HECW2: variants seen among roughly 807,000 people sequenced by gnomAD.
The protein encoded by HECW2 is E3 ubiquitin-protein ligase HECW2.
A neutral mutation model predicts 175.2 loss-of-function variants in HECW2; 61 were observed. The observed-to-expected ratio is 0.35, with a 90% CI of 0.28 to 0.43. HECW2 has a LOEUF of 0.43. HECW2 is among the 20% of genes least tolerant of loss of function. The probability of loss-of-function intolerance (pLI) is 1.00; values close to 1 mark genes in which losing one functional copy is unlikely to be tolerated. For synonymous variants in HECW2, 671 were observed against 731.0 expected, an observed-to-expected ratio of 0.92 and a Z score of 1.32; for missense variants, 1,524 against 2,000.5, an observed-to-expected ratio of 0.76 and a Z score of 4.54.
At chr2:196,505,462 C>T (rs1294661930) in intron 1 of HECW2, among the ~76,000 whole-genome samples, 1 of 152,050 alleles carries the variant, frequency 6.6e-6, no homozygotes, top group Admixed American at 6.6e-5. Flanking sequence ...ATCGCTTGAA[C>T]CCAGGAGGTG....
At chr2:196,384,806 C>A (rs1047550786) in intron 2 of HECW2, among the ~76,000 whole-genome samples, 1 of 152,184 alleles carries the variant, frequency 6.6e-6, no homozygotes, top group Non-Finnish European at 1.5e-5. Flanking sequence ...AAATGTTAAT[C>A]ACTTCTCCTA....
chr2:196,224,640 G>A (rs1305290493), intron 23 of HECW2, among the ~76,000 whole-genome samples: 2 of 152,226 alleles, frequency 1.3e-5, no homozygotes, highest in Non-Finnish European at 1.5e-5. Flanking sequence ...GCAGCAGCAT[G>A]ATCCAATAAG....
At chr2:196,328,456 G>A (rs1692236159) in intron 5 of HECW2, among the ~76,000 whole-genome samples, 1 of 152,186 alleles carries the variant, frequency 6.6e-6, no homozygotes, top group Admixed American at 6.5e-5. Flanking sequence ...ATGGGAAAAG[G>A]AGAAACATGC....
intron 1 of HECW2, among the ~76,000 whole-genome samples, chr2:196,548,348 A>G (rs1264250881): frequency 2.6e-5 from 4 of 151,668 alleles, no homozygotes; most frequent in Non-Finnish European, 5.9e-5. Context: ...AAAAAAGAAA[A>G]GAAGAAAAAG....
chr2:196,532,410 T>C (rs944993194), intron 1 of HECW2, among the ~76,000 whole-genome samples: 3 of 151,884 alleles, frequency 2.0e-5, no homozygotes, highest in African/African-American at 7.3e-5. Flanking sequence ...TTCTCACTCA[T>C]AAGTGGGAGT....
rs73051080 is a variant in HECW2, at chr2:196,510,740, C to G, written c.-35-77282G>C. On this transcript the variant is annotated intron_variant, in intron 1 of 28. Transcript: ENST00000644978. ...TTTTATAATGGTGTGATCAAAAGCCCAGAAGAGCTTATAGAGAAGTAGTTC... is the reference window on the plus strand; with the variant it reads ...TTTTATAATGGTGTGATCAAAAGCCGAGAAGAGCTTATAGAGAAGTAGTTC... Among the ~76,000 whole-genome samples, 466 of 151,918 alleles carry G rather than the reference C, an allele frequency of 3.1e-3. 1 individual carries two copies. The highest frequency in any genetic ancestry group is 0.011 in the African/African-American group (448 of 41,416).
chr2:196,254,763 T>C (rs1030479303), intron 18 of HECW2, among the ~76,000 whole-genome samples: 27 of 152,220 alleles, frequency 1.8e-4, no homozygotes, highest in African/African-American at 6.5e-4. Flanking sequence ...TTATGTATCA[T>C]TAGGTATTCA....
chr2:196,549,961 A>T (rs1209362709), intron 1 of HECW2, among the ~76,000 whole-genome samples: 1 of 152,194 alleles, frequency 6.6e-6, no homozygotes, highest in African/African-American at 2.4e-5. Flanking sequence ...GTTGAAGGAG[A>T]CAGGCATTTG....
At chr2:196,496,447 A>G (rs1202203111) in intron 1 of HECW2, among the ~76,000 whole-genome samples, 1 of 152,150 alleles carries the variant, frequency 6.6e-6, no homozygotes, top group African/African-American at 2.4e-5. Context: ...ACATGCATGC[A>G]TACATATAAA....
chr2:196,572,205 C>G (rs1446188583), intron 1 of HECW2, among the ~76,000 whole-genome samples: 3 of 152,110 alleles, frequency 2.0e-5, no homozygotes, highest in African/African-American at 4.8e-5. Context: ...TTTTTTGAGA[C>G]AGGATTTCAC....
intron 2 of HECW2, among the ~76,000 whole-genome samples, chr2:196,358,326 C>T (rs778945568): frequency 1.1e-4 from 16 of 149,500 alleles, no homozygotes; most frequent in Admixed American, 2.6e-4. Flanking sequence ...GTAATCCCAG[C>T]ACTTTGGGAG....
At chr2:196,538,158 T>C (rs948204263) in intron 1 of HECW2, among the ~76,000 whole-genome samples, 1 of 152,218 alleles carries the variant, frequency 6.6e-6, no homozygotes, top group African/African-American at 2.4e-5. Context: ...TGCTCCCCTG[T>C]AACCTCTCCA....
intron 1 of HECW2, among the ~76,000 whole-genome samples, chr2:196,472,082 G>A (rs1200601944): frequency 3.3e-5 from 5 of 151,702 alleles, no homozygotes; most frequent in Admixed American, 1.3e-4. Flanking sequence ...CTGTGGGAAT[G>A]AATGAACTAG....
chr2:196,361,564 C>T (rs979299909), intron 2 of HECW2, among the ~76,000 whole-genome samples: 6 of 152,132 alleles, frequency 3.9e-5, no homozygotes, highest in African/African-American at 1.2e-4. Flanking sequence ...TAAAAATTCA[C>T]AATGAGGTGA....
chr2:196,333,074 G>C (rs1692426133), intron 4 of HECW2, among the ~76,000 whole-genome samples: 1 of 151,972 alleles, frequency 6.6e-6, no homozygotes, highest in Admixed American at 6.6e-5. Context: ...TCATTCTTCA[G>C]CTTGTCTCTC....
At chr2:196,543,047 G>A (rs1013841308) in intron 1 of HECW2, among the ~76,000 whole-genome samples, 1 of 149,922 alleles carries the variant, frequency 6.7e-6, no homozygotes, top group Non-Finnish European at 1.5e-5. Context: ...AGGAAAAAAG[G>A]ACAACAGTAA....
intron 10 of HECW2, among the ~76,000 whole-genome samples, chr2:196,309,230 T>C (rs1323347083): frequency 6.6e-6 from 1 of 152,208 alleles, no homozygotes; most frequent in African/African-American, 2.4e-5. Context: ...ACCAGACCAT[T>C]GCTGAAGGCC....
intron 1 of HECW2, among the ~76,000 whole-genome samples, chr2:196,449,912 A>C (rs1465274906): frequency 1.3e-5 from 2 of 152,172 alleles, no homozygotes; most frequent in Non-Finnish European, 1.5e-5. Flanking sequence ...AATGCATGGG[A>C]AACAGGAATA....
At chr2:196,458,692 C>G (rs1020106061) in intron 1 of HECW2, among the ~76,000 whole-genome samples, 1 of 151,786 alleles carries the variant, frequency 6.6e-6, no homozygotes. Context: ...ATGGTGAAAC[C>G]CCGTCTCTAC....
Sources: allele counts gnomAD v4.1 joint callset (sites outside exome capture counted in the v4.1 genomes callset), GRCh38; gene constraint gnomAD v4.1.1; transcripts MANE v1.5; gene names NCBI Gene and HGNC (gene_info 2026-07-23, HGNC 2026-07-21).